Variants in DOCK1 observed in about 807,000 individuals in gnomAD.
DOCK1 encodes the protein dedicator of cytokinesis 1.
Under a neutral mutation model 262.7 loss-of-function variants are expected in DOCK1, and 138 were observed. That is an observed-to-expected ratio of 0.53 (90% CI 0.46 to 0.61). DOCK1 has a LOEUF of 0.61. DOCK1 is among the 20% of genes least tolerant of loss of function. The pLI, the probability that DOCK1 is intolerant of heterozygous loss-of-function variation, is 0.00. For missense variants in DOCK1, 1,908 were observed against 2,370.7 expected (o/e 0.80, Z 4.05); for synonymous variants, 866 against 867.4 (o/e 1.00, Z 0.03).
intron 21 of DOCK1, among the ~76,000 whole-genome samples, chr10:127,047,998 A>G (rs1308761876): frequency 6.6e-6 from 1 of 152,124 alleles, no homozygotes; most frequent in African/African-American, 2.4e-5. Flanking sequence ...TCTTTGGTGA[A>G]GTTTGTTTTT....
chr10:126,940,913 T>G (rs1285375697), intron 1 of DOCK1, among the ~76,000 whole-genome samples: 17 of 152,214 alleles, frequency 1.1e-4, no homozygotes, highest in Non-Finnish European at 2.5e-4. Flanking sequence ...CTCTATTATA[T>G]TGCCCTGTAA....
chr10:127,280,030 ATATAAT>A (rs1224910777), intron 29 of DOCK1, among the ~76,000 whole-genome samples: 11 of 139,722 alleles, frequency 7.9e-5, no homozygotes, highest in African/African-American at 2.9e-4. Context: ...ATATATATAT[ATATAAT>A]TTTTTTTTTT....
chr10:127,166,775 AT>A (rs199633584), intron 27 of DOCK1, among the ~76,000 whole-genome samples: 25 of 150,308 alleles, frequency 1.7e-4, no homozygotes, highest in Middle Eastern at 3.5e-3. Context: ...CTTGCATTTC[AT>A]TTTTTTTTTA....
chr10:127,120,062 G>A (rs1378416572), intron 25 of DOCK1, among the ~76,000 whole-genome samples: 2 of 152,202 alleles, frequency 1.3e-5, no homozygotes, highest in East Asian at 3.9e-4. Flanking sequence ...TGGCTGGTGT[G>A]ATCCTCACAG....
chr10:127,428,906 GCCGTGTGGATTGGGGTA>G (rs1245429611), intron 47 of DOCK1, among the ~76,000 whole-genome samples: 4 of 145,504 alleles, frequency 2.7e-5, no homozygotes, highest in Admixed American at 6.8e-5. Context: ...TGTGGATTGA[GCCGTGTGGATTGGGGTA>G]CCGTGTGGAT....
chr10:127,282,998 C>T (rs1257561447), intron 29 of DOCK1, among the ~76,000 whole-genome samples: 1 of 152,240 alleles, frequency 6.6e-6, no homozygotes, highest in Non-Finnish European at 1.5e-5. Context: ...GGTCTCCCCA[C>T]CAGGGCTGTC....
chr10:127,005,523 A>G (rs570139489), intron 10 of DOCK1, among the ~76,000 whole-genome samples: 2 of 152,328 alleles, frequency 1.3e-5, no homozygotes, highest in South Asian at 2.1e-4. Context: ...GAAAGTGTCC[A>G]TGGACCTTTA....
At chr10:127,076,227 C>A (rs1464833190) in intron 23 of DOCK1, among the ~76,000 whole-genome samples, 1 of 152,198 alleles carries the variant, frequency 6.6e-6, no homozygotes, top group Non-Finnish European at 1.5e-5. Context: ...ATCGGCCAGG[C>A]ACGGTGGCTC....
intron 1 of DOCK1, among the ~76,000 whole-genome samples, chr10:126,912,464 C>A (rs541125587): frequency 2.1e-4 from 32 of 150,868 alleles, no homozygotes; most frequent in Non-Finnish European, 3.7e-4. Context: ...CGGTGGCTCA[C>A]GCCTGTAATC....
intron 27 of DOCK1, among the ~76,000 whole-genome samples, chr10:127,218,192 A>G (rs1013455400): frequency 6.6e-6 from 1 of 152,382 alleles, no homozygotes; most frequent in East Asian, 1.9e-4. Flanking sequence ...TAGAAATACA[A>G]CTATAATTTG....
At chr10:127,028,407 G>T (rs893004352) in intron 16 of DOCK1, among the ~76,000 whole-genome samples, 6 of 152,196 alleles carry the variant, frequency 3.9e-5, no homozygotes, top group Admixed American at 6.5e-5. Context: ...GAAGTTTATT[G>T]TGTTATTTGG....
At chr10:127,042,992 A>T (rs1365050458) in intron 20 of DOCK1, 72 bp from the exon 21 acceptor site, 1 of 1,213,998 alleles carries the variant, frequency 8.2e-7, no homozygotes, top group East Asian at 2.5e-5. Flanking sequence ...AGGGGTGCAG[A>T]TGGTTCTGAT....
intron 1 of DOCK1, among the ~76,000 whole-genome samples, chr10:126,948,441 T>C (rs1279488773): frequency 6.7e-6 from 1 of 148,618 alleles, no homozygotes; most frequent in Admixed American, 6.7e-5. Flanking sequence ...GTGGTAATAC[T>C]GCTGGTGGTG....
At chr10:127,082,337 C>A (rs2046952866) in intron 23 of DOCK1, among the ~76,000 whole-genome samples, 1 of 152,084 alleles carries the variant, frequency 6.6e-6, no homozygotes, top group Non-Finnish European at 1.5e-5. Flanking sequence ...TAAAGACACA[C>A]CTTAGACTGG....
rs1013457394 is a variant in DOCK1, at chr10:127,258,928, C to T, written c.3044+1499C>T. On this transcript the variant is annotated intron_variant, in intron 29 of 51. Transcript: ENST00000623213. ...TCCCTTCGACAAATCCAAAGCAGCA[C>T]GACCTTTCCTTTGGCCTCCTCTGGG... Among the ~76,000 whole-genome samples the T allele has an allele frequency of 4.6e-5, 7 of 152,174 alleles. No homozygotes were observed. In the South Asian group the frequency reaches 6.2e-4, roughly 13 times the overall value.
intron 33 of DOCK1, among the ~76,000 whole-genome samples, chr10:127,363,681 G>A (rs2064724196): frequency 6.6e-6 from 1 of 152,130 alleles, no homozygotes; most frequent in Non-Finnish European, 1.5e-5. Flanking sequence ...TATCATTTAA[G>A]GGAGCTTTGA....
At chr10:127,196,104 A>G (rs1190506431) in intron 27 of DOCK1, 1 of 152,052 alleles carries the variant, frequency 6.6e-6, no homozygotes, top group Admixed American at 6.5e-5. Flanking sequence ...CGGACAGGGC[A>G]TCCGCGGCCA....
At chr10:127,262,083 T>G (rs1479546235) in intron 29 of DOCK1, among the ~76,000 whole-genome samples, 75 of 148,062 alleles carry the variant, frequency 5.1e-4, no homozygotes, top group Non-Finnish European at 6.0e-4. Flanking sequence ...TGTGGGTGTG[T>G]GTGTGTACCC....
In DOCK1 at chr10:127,026,434, C is replaced by T. The variant is rs1170199114; in HGVS notation, c.1624+10C>T. 3 of 1,570,114 alleles carry T rather than the reference C, an allele frequency of 1.9e-6. No homozygotes were observed. The highest frequency in any genetic ancestry group is 1.9e-5 in the Admixed American group (1 of 53,832). On this transcript the variant is annotated intron_variant, in intron 16 of 51. Coordinates refer to ENST00000623213, the MANE Select transcript of DOCK1 (RefSeq NM_001290223.2). ...AGGTCATCACAGGACTGTGAGTAGT[C>T]AAGCACTTTCTTCCCCCAAGTATTT...
Sources: gnomAD v4.1 joint callset for allele counts (sites outside exome capture counted in the v4.1 genomes callset) on GRCh38, gnomAD v4.1.1 for gene constraint, MANE v1.5 for transcripts, NCBI Gene and HGNC (gene_info 2026-07-23, HGNC 2026-07-21) for gene names.